Variants in SH2D3C observed in about 807,000 individuals in gnomAD.
SH2D3C encodes SH2 domain-containing protein 3C.
A neutral mutation model predicts 75.2 loss-of-function variants in SH2D3C; 25 were observed. That is an observed-to-expected ratio of 0.33 (90% confidence interval 0.24 to 0.46). SH2D3C has a LOEUF of 0.46. Ranked by LOEUF, SH2D3C falls within the 20% of genes least tolerant of loss-of-function variation. The probability of loss-of-function intolerance (pLI) is 1.00; values close to 1 mark genes in which losing one functional copy is unlikely to be tolerated. For missense variants in SH2D3C, 933 were observed against 1,165.3 expected (o/e 0.80, Z 2.90); for synonymous variants, 450 against 473.7 (o/e 0.95, Z 0.65).
rs1345111707 is a variant in SH2D3C at position 127,754,601 on chromosome 9, G to A, written c.556-3301C>T. Reference sequence around the variant, plus strand: ...TCCAAGCCCACCTAGAGGGCGGGAGGGTGGCGGGCGCTCTGGCCCCAACCC... The same window carrying A: ...TCCAAGCCCACCTAGAGGGCGGGAGAGTGGCGGGCGCTCTGGCCCCAACCC... On this transcript the variant is annotated intron_variant, in intron 3 of 11. Coordinates refer to ENST00000314830, the MANE Select transcript of SH2D3C (RefSeq NM_170600.3). The surrounding 1 kb of genome is among the most constrained non-coding windows in gnomAD (Gnocchi z 4.4). 6.6e-6 allele frequency among the ~76,000 whole-genome samples: 1 copy of A among 152,130 alleles called. No homozygotes were observed.
At chr9:127,740,011 G>C in intron 10 of SH2D3C, 123 bp from the exon 11 acceptor site, 1 of 954,612 alleles carries the variant, frequency 1.0e-6, no homozygotes, top group Non-Finnish European at 1.5e-6. Flanking sequence ...AGCCCCAAGG[G>C]CTCCTGACTC....
In SH2D3C at chr9:127,749,390, G is replaced by A. The variant is rs1845129469; in HGVS notation, c.960C>T (p.Asn320=). The change falls in exon 5 of 12, where the codon AAC becomes AAT. Residue 320 remains asparagine, a synonymous_variant. Transcript: ENST00000314830. The surrounding 1 kb of genome is among the most constrained non-coding windows in gnomAD (Gnocchi z 5.9). ...QSGAIIYCPV[N]RTFPLRYLEA... is the part of the protein sequence containing the mutation. ...CGAGGTAGCGCAGTGGGAAGGTGCG[G>A]TTCACCGGGCAGTAGATGATGGCAC... 3 of 1,614,082 alleles carry A rather than the reference G, an allele frequency of 1.9e-6. No individual in the cohort carries two copies. The highest frequency in any genetic ancestry group is 4.5e-5 in the East Asian group (2 of 44,882).
chr9:127,746,869 C>T (rs1226011301), intron 6 of SH2D3C, among the ~76,000 whole-genome samples: 1 of 152,172 alleles, frequency 6.6e-6, no homozygotes, highest in Admixed American at 6.5e-5. Context: ...ACCCAGGAGG[C>T]GGAGGTTGCA....
At chr9:127,744,376 A>G (rs530706880) in intron 7 of SH2D3C, among the ~76,000 whole-genome samples, 188 bp downstream of exon 7, 1 of 152,180 alleles carries the variant, frequency 6.6e-6, no homozygotes, top group South Asian at 2.1e-4. Context: ...GGCCTTTTTA[A>G]AAGGAGAAAC....
chr9:127,750,096 T>C (rs1845155031), intron 4 of SH2D3C, among the ~76,000 whole-genome samples: 2 of 152,068 alleles, frequency 1.3e-5, no homozygotes, highest in Admixed American at 1.3e-4. Flanking sequence ...AGCTGCTTTT[T>C]TGTCCTGGAA....
At chr9:127,764,301 C>T (rs947930223) in intron 2 of SH2D3C, among the ~76,000 whole-genome samples, 1 of 152,200 alleles carries the variant, frequency 6.6e-6, no homozygotes, top group African/African-American at 2.4e-5. Flanking sequence ...CTACAACACT[C>T]TGACATGTCC....
chr9:127,757,600 C>T (rs928383086), intron 3 of SH2D3C, among the ~76,000 whole-genome samples: 1 of 135,070 alleles, frequency 7.4e-6, no homozygotes, highest in Non-Finnish European at 1.6e-5. Flanking sequence ...ACCACCATAC[C>T]CAGATGATGA....
At chr9:127,743,002 A>G (rs771630178) in intron 7 of SH2D3C, 38 bp from the exon 8 acceptor site, 1 of 1,511,368 alleles carries the variant, frequency 6.6e-7, no homozygotes, top group Non-Finnish European at 9.2e-7. Context: ...ATATCCTGTC[A>G]GGGCTGGCCC....
chr9:127,768,166 G>A (rs927730531), intron 2 of SH2D3C, among the ~76,000 whole-genome samples: 1 of 152,138 alleles, frequency 6.6e-6, no homozygotes, highest in African/African-American at 2.4e-5. Flanking sequence ...GGCCCACCAC[G>A]ACCCCCACCC....
chr9:127,762,220 C>T (rs1473449912), intron 2 of SH2D3C: 1 of 1,199,314 alleles, frequency 8.3e-7, no homozygotes, highest in African/African-American at 1.6e-5. Flanking sequence ...ATTGATTCTG[C>T]CCCCAGGGTG....
At chr9:127,755,109 G>C (rs984180996) in intron 3 of SH2D3C, 1 of 1,217,646 alleles carries the variant, frequency 8.2e-7, no homozygotes, top group Non-Finnish European at 1.0e-6. Context: ...CGCGGTAGAA[G>C]CAGCAGGCGG....
At chr9:127,757,678 G>T (rs139314571) in intron 3 of SH2D3C, among the ~76,000 whole-genome samples, 1 of 141,978 alleles carries the variant, frequency 7.0e-6, no homozygotes, top group Admixed American at 7.1e-5. Context: ...TTTTGAGATG[G>T]AGTCTCGCTC....
At chr9:127,758,101 C>T (rs1199136383) in intron 3 of SH2D3C, among the ~76,000 whole-genome samples, 2 of 151,844 alleles carry the variant, frequency 1.3e-5, no homozygotes, top group African/African-American at 2.4e-5. Context: ...CAGGTGTGAG[C>T]CCAGGTGTGA....
Position 127,749,575 on chromosome 9 carries a change from G to A in SH2D3C, c.775C>T (p.Arg259Cys), listed in dbSNP as rs755910926. ...LGDYVLTCRW[R>C]NQALHFKINK... is the part of the protein sequence containing the mutation. ...ATCTTGAAGTGCAAGGCCTGGTTGCGCCAGCGGCACGTGAGCACATAGTCG... is the reference window on the plus strand; with the variant it reads ...ATCTTGAAGTGCAAGGCCTGGTTGCACCAGCGGCACGTGAGCACATAGTCG... The change falls in exon 5 of 12, where the codon CGC (arginine) becomes TGC (cysteine). Residue 259 changes from arginine to cysteine, a missense_variant. By Grantham distance (180) the Arg-to-Cys change is radical. Transcript: ENST00000314830. The surrounding 1 kb of genome is among the most constrained non-coding windows in gnomAD (Gnocchi z 5.9). 11 of 1,610,024 alleles carry A rather than the reference G, an allele frequency of 6.8e-6. No individual in the cohort carries two copies. The highest frequency in any genetic ancestry group is 4.5e-5 in the East Asian group (2 of 44,624).
rs76885511 is a variant in SH2D3C at position 127,760,226 on chromosome 9, G to A, written c.555+1385C>T. ...TATGCTTCTTCCATGGGTCCCACAT[G>A]GACCGGGAGCCCTTTGAATTCAGGG... On this transcript the variant is annotated intron_variant, in intron 3 of 11. Coordinates refer to ENST00000314830, the MANE Select transcript of SH2D3C (RefSeq NM_170600.3). Among the ~76,000 whole-genome samples the A allele has an allele frequency of 9.7e-3, 1,483 of 152,272 alleles. 28 individuals carry two copies. Among genetic ancestry groups the A allele is most frequent in the African/African-American group, 0.034 (1,433 of 41,538 alleles).
intron 2 of SH2D3C, among the ~76,000 whole-genome samples, chr9:127,773,538 C>A (rs1373375442): frequency 6.6e-6 from 1 of 152,172 alleles, no homozygotes; most frequent in African/African-American, 2.4e-5. Flanking sequence ...TCTCTCCTTG[C>A]CAGTTTTCTT....
chr9:127,766,827 C>T (rs1344540194), intron 2 of SH2D3C: 2 of 1,153,324 alleles, frequency 1.7e-6, no homozygotes, highest in Non-Finnish European at 2.4e-6. Flanking sequence ...GCCTTGGCCT[C>T]CCAAAGTGCT....
At chr9:127,755,026 C>A (rs1845330310) in intron 3 of SH2D3C, 2 of 900,158 alleles carry the variant, frequency 2.2e-6, no homozygotes, top group Non-Finnish European at 2.8e-6. Flanking sequence ...CCGGGCGGAG[C>A]GGCCGGGGGT....
rs931878486 is a variant in SH2D3C, at chr9:127,739,647, C to T, written c.2407+35G>A. 1.4e-5 allele frequency: 22 copies of T among 1,569,924 alleles called. No individual in the cohort carries two copies. The highest frequency in any genetic ancestry group is 8.1e-5 in the African/African-American group (6 of 74,230). ...TGAGGCAGGTGGAGGGAGGCCCAGG[C>T]CTGCAAGCCCCCCAAGATGCCACCC... On this transcript the variant is annotated intron_variant, in intron 11 of 11. Transcript: ENST00000314830. This position sits in a 1 kb window ranked among gnomAD's most constrained non-coding sequence, Gnocchi z 4.3.
Sources: allele counts gnomAD v4.1 joint callset (sites outside exome capture counted in the v4.1 genomes callset), GRCh38; gene constraint gnomAD v4.1.1; non-coding constraint Gnocchi (gnomAD v3.1); transcripts MANE v1.5; gene names NCBI Gene and HGNC (gene_info 2026-07-23, HGNC 2026-07-21).